UBR3: variants seen among roughly 807,000 people sequenced by gnomAD.
UBR3 encodes the protein ubiquitin protein ligase E3 component n-recognin 3.
In UBR3, 85 loss-of-function variants were observed where a neutral mutation model predicts 243.2. That is an observed-to-expected ratio of 0.35 (90% confidence interval 0.29 to 0.42). The LOEUF (loss-of-function observed/expected upper bound fraction) is 0.42, where lower values mean the gene tolerates loss of function less well. Ranked by LOEUF, UBR3 falls within the 10% of genes least tolerant of loss-of-function variation. The pLI is 1.00. For synonymous variants in UBR3, 748 were observed against 799.8 expected (o/e 0.94, Z 1.09); for missense variants, 1,686 against 2,300.8 (o/e 0.73, Z 5.47).
intron 1 of UBR3, among the ~76,000 whole-genome samples, chr2:169,851,547 A>C (rs2082657293): frequency 6.6e-6 from 1 of 152,182 alleles, no homozygotes; most frequent in Non-Finnish European, 1.5e-5. Flanking sequence ...GGAGAAGTTA[A>C]AGATAATAGA....
intron 32 of UBR3, among the ~76,000 whole-genome samples, chr2:170,047,248 A>G (rs1044644508): frequency 2.0e-5 from 3 of 152,062 alleles, no homozygotes; most frequent in Non-Finnish European, 1.5e-5. Flanking sequence ...GGGCTCAAGG[A>G]ATCCACCTGC....
intron 1 of UBR3, among the ~76,000 whole-genome samples, chr2:169,866,304 A>G (rs1278204361): frequency 6.7e-6 from 1 of 149,044 alleles, no homozygotes; most frequent in Non-Finnish European, 1.5e-5. Context: ...TACAGCTTTT[A>G]AAAAGTGTAC....
rs1049894423 is a variant in UBR3 at position 169,895,267 on chromosome 2, A to G, written c.1192A>G (p.Met398Val). ...WTIKYEFPQK[M>V]VTFLLNMLPD... Reference sequence around the variant, plus strand: ...TATAAAATATGAATTCCCTCAAAAGATGGTAACTTTCTTACTCAACATGCT... The same window carrying G: ...TATAAAATATGAATTCCCTCAAAAGGTGGTAACTTTCTTACTCAACATGCT... Residue 398 changes from methionine to valine, a missense_variant, in exon 7 of 39, where the codon ATG becomes GTG. By Grantham distance (21) the Met-to-Val change is conservative (BLOSUM62 1). This residue lies in a region of UBR3 where 200 missense variants were observed against 231.6 expected (regional missense o/e 0.86). Transcript: ENST00000272793. 1 of 1,545,838 alleles carries G rather than the reference A, an allele frequency of 6.5e-7. No individual in the cohort carries two copies. The highest frequency in any genetic ancestry group is 1.4e-5 in the African/African-American group (1 of 72,730).
chr2:169,897,172 A>G (rs1166248916), intron 8 of UBR3, among the ~76,000 whole-genome samples: 1 of 152,162 alleles, frequency 6.6e-6, no homozygotes, highest in Admixed American at 6.5e-5. Flanking sequence ...TAATTTATTT[A>G]GTCATTTCCT....
intron 32 of UBR3, among the ~76,000 whole-genome samples, chr2:170,052,143 G>A (rs1277670337): frequency 5.3e-5 from 8 of 152,020 alleles, no homozygotes; most frequent in African/African-American, 1.9e-4. Flanking sequence ...ATGCTGCTAC[G>A]TCTATGAGAT....
At chr2:169,862,508 C>G (rs1232152678) in intron 1 of UBR3, among the ~76,000 whole-genome samples, 2 of 152,112 alleles carry the variant, frequency 1.3e-5, no homozygotes, top group Non-Finnish European at 2.9e-5. Flanking sequence ...TGTTAGCTTC[C>G]CAAAGGCTGG....
At chr2:169,929,787 C>T (rs1420421767) in intron 18 of UBR3, among the ~76,000 whole-genome samples, 2 of 152,116 alleles carry the variant, frequency 1.3e-5, no homozygotes, top group Non-Finnish European at 2.9e-5. Context: ...ATTTTCACTT[C>T]TCTAAGTGAA....
At chr2:169,872,207 T>C (rs1446171085) in intron 1 of UBR3, 29 bp from the exon 2 acceptor site, 1 of 1,429,170 alleles carries the variant, frequency 7.0e-7, no homozygotes, top group South Asian at 1.4e-5. Context: ...TAGACATTAC[T>C]GTTAATTTTT....
chr2:169,831,743 G>A (rs994678780), intron 1 of UBR3, among the ~76,000 whole-genome samples: 1 of 152,174 alleles, frequency 6.6e-6, no homozygotes, highest in African/African-American at 2.4e-5. Context: ...TCAACAGCTT[G>A]TAACAGTGTT....
chr2:169,922,345 G>A (rs2085736782), intron 11 of UBR3, among the ~76,000 whole-genome samples: 1 of 151,512 alleles, frequency 6.6e-6, no homozygotes, highest in South Asian at 2.1e-4. Context: ...TGCCTCAAAG[G>A]AAATTGAGGG....
intron 19 of UBR3, among the ~76,000 whole-genome samples, chr2:169,936,165 T>G (rs995390077): frequency 6.6e-6 from 1 of 152,198 alleles, no homozygotes; most frequent in African/African-American, 2.4e-5. Flanking sequence ...ATTCAAGCGA[T>G]ACATCCGCCT....
intron 27 of UBR3, among the ~76,000 whole-genome samples, chr2:170,003,920 G>A (rs1286326817): frequency 1.3e-5 from 2 of 152,164 alleles, no homozygotes; most frequent in Admixed American, 1.3e-4. Context: ...GATTACAGGC[G>A]TGAGCCACTG....
At chr2:169,904,580 C>CT (rs1559078716) in intron 8 of UBR3, among the ~76,000 whole-genome samples, 1 of 150,842 alleles carries the variant, frequency 6.6e-6, no homozygotes, top group African/African-American at 2.4e-5. Context: ...GTGTGTGTTT[C>CT]TTTTTTTTAA....
intron 36 of UBR3, among the ~76,000 whole-genome samples, chr2:170,078,874 T>C (rs2091859929): frequency 6.6e-6 from 1 of 152,232 alleles, no homozygotes; most frequent in African/African-American, 2.4e-5. Flanking sequence ...AATGCCATCC[T>C]TGGAGTCCAG....
At chr2:170,016,428 A>G (rs912142933) in intron 30 of UBR3, among the ~76,000 whole-genome samples, 2 of 151,774 alleles carry the variant, frequency 1.3e-5, no homozygotes, top group Non-Finnish European at 3.0e-5. Flanking sequence ...TGACCCCTTT[A>G]TGCATTCATC....
At chr2:170,056,496 C>T (rs972129842) in intron 33 of UBR3, among the ~76,000 whole-genome samples, 2 of 151,910 alleles carry the variant, frequency 1.3e-5, no homozygotes, top group Non-Finnish European at 2.9e-5. Flanking sequence ...GTTATAGAAC[C>T]GAAGAACTGA....
intron 1 of UBR3, among the ~76,000 whole-genome samples, chr2:169,841,792 A>C (rs1173739196): frequency 6.6e-6 from 1 of 152,226 alleles, no homozygotes; most frequent in Non-Finnish European, 1.5e-5. Context: ...CGGGACCTGC[A>C]GCCCGCCATG....
rs1346551150 is a variant in UBR3, at chr2:169,845,492, TTCGTCGTCATCGTCGTCGTCGTCG to T, written c.545+17449_545+17472del. Among the ~76,000 whole-genome samples the T allele has an allele frequency of 8.9e-5, 11 of 123,520 alleles. 1 individual carries two copies. The highest frequency in any genetic ancestry group is 3.2e-4 in the Admixed American group (4 of 12,478). The allele number at this position is 123,520 out of a possible 152,430, so 81.0% of individuals were successfully genotyped here. A position where few individuals can be genotyped will look rare whatever the true frequency, so the allele number is the denominator to read the frequency against. ...TGACTATTAGTAATTCCTTTCCCTCTTCGTCGTCATCGTCGTCGTCGTCGTCGTCGTCGTCGTCGTCTTCTTCTT... is the reference window on the plus strand; with the variant it reads ...TGACTATTAGTAATTCCTTTCCCTCTTCGTCGTCGTCGTCGTCTTCTTCTT... On this transcript the variant is annotated intron_variant, in intron 1 of 38. Transcript: ENST00000272793.
chr2:169,928,429 A>C lies in UBR3; in HGVS notation c.2425-298A>C, dbSNP rs572057753. On this transcript the variant is annotated intron_variant, in intron 17 of 38. Transcript: ENST00000272793. ...ATGGTAAAAATGAAGACACATTTTT[A>C]AAAGTTTTTCTATCGTTTTCTGAAA... is the stretch of plus-strand genomic sequence containing the variant. Among the ~76,000 whole-genome samples, 15 of 152,274 alleles carry C rather than the reference A, an allele frequency of 9.9e-5. No homozygotes were observed. The East Asian group carries it at 1.3e-3, about 14-fold the overall frequency.
Sources: gnomAD v4.1 joint callset for allele counts (sites outside exome capture counted in the v4.1 genomes callset) on GRCh38, gnomAD v4.1.1 for gene constraint, gnomAD v4.1.1 regional missense constraint, MANE v1.5 for transcripts, NCBI Gene and HGNC (gene_info 2026-07-23, HGNC 2026-07-21) for gene names.